The following KIAA1328 variants were observed in gnomAD, a reference collection of about 807,000 sequenced individuals.
KIAA1328 encodes the protein KIAA1328, also known as protein hinderin.
A neutral mutation model predicts 68.1 loss-of-function variants in KIAA1328; 52 were observed. That is an observed-to-expected ratio of 0.76 (90% confidence interval 0.61 to 0.96). The LOEUF (loss-of-function observed/expected upper bound fraction) is 0.96, where lower values mean the gene tolerates loss of function less well. Among genes scored for constraint, KIAA1328 ranks in the 40% least tolerant of loss-of-function variants. The pLI, the probability that KIAA1328 is intolerant of heterozygous loss-of-function variation, is 0.00. For missense variants in KIAA1328, 641 were observed against 677.6 expected (o/e 0.95, Z 0.60); for synonymous variants, 232 against 239.4 (o/e 0.97, Z 0.28).
chr18:36,926,130 G>A (rs1465820011), intron 5 of KIAA1328, among the ~76,000 whole-genome samples: 2 of 151,984 alleles, frequency 1.3e-5, no homozygotes, highest in Non-Finnish European at 2.9e-5. Flanking sequence ...TTGTTCGAAA[G>A]GGTTAAGTTT....
chr18:36,834,448 A>G, intron 2 of KIAA1328, 93 bp downstream of exon 2: 1 of 1,103,182 alleles, frequency 9.1e-7, no homozygotes, highest in Non-Finnish European at 1.3e-6. Flanking sequence ...GCGGGTATAA[A>G]TAACTGAATG....
chr18:36,853,656 AT>A (rs918243694), intron 4 of KIAA1328, among the ~76,000 whole-genome samples: 14 of 151,036 alleles, frequency 9.3e-5, no homozygotes, highest in African/African-American at 2.2e-4. Flanking sequence ...GCTTTTTTTT[AT>A]TTTTTTTATT....
intron 9 of KIAA1328, among the ~76,000 whole-genome samples, chr18:37,180,261 GTAT>G (rs768607192): frequency 5.3e-5 from 8 of 152,166 alleles, no homozygotes; most frequent in African/African-American, 1.4e-4. Flanking sequence ...GTAAGTAGTA[GTAT>G]TATCCGATTT....
At chr18:37,076,038 C>G (rs907415595) in intron 7 of KIAA1328, among the ~76,000 whole-genome samples, 6 of 151,974 alleles carry the variant, frequency 3.9e-5, no homozygotes, top group African/African-American at 1.4e-4. Flanking sequence ...ACATTTTTTT[C>G]AGCACCACAC....
At chr18:36,957,330 C>T (rs1435901058) in intron 5 of KIAA1328, among the ~76,000 whole-genome samples, 1 of 151,970 alleles carries the variant, frequency 6.6e-6, no homozygotes, top group Admixed American at 6.6e-5. Context: ...CAACAGCATA[C>T]ATAAGTAAGT....
At chr18:37,052,775 G>A (rs2055751479) in intron 6 of KIAA1328, among the ~76,000 whole-genome samples, 1 of 151,970 alleles carries the variant, frequency 6.6e-6, no homozygotes, top group African/African-American at 2.4e-5. Flanking sequence ...GAAATACCTA[G>A]GAATACAGCT....
intron 7 of KIAA1328, among the ~76,000 whole-genome samples, chr18:37,142,635 A>C (rs1295645295): frequency 2.0e-5 from 3 of 151,698 alleles, no homozygotes; most frequent in East Asian, 3.9e-4. Context: ...ACACACACAC[A>C]CCCCACACAC....
intron 5 of KIAA1328, among the ~76,000 whole-genome samples, chr18:36,936,151 T>TC (rs2050491270): frequency 6.6e-6 from 1 of 152,194 alleles, no homozygotes; most frequent in Non-Finnish European, 1.5e-5. Context: ...TTTAATTTTT[T>TC]CCCTTTATTT....
At chr18:37,213,720 C>T (rs890297821) in intron 9 of KIAA1328, among the ~76,000 whole-genome samples, 2 of 152,176 alleles carry the variant, frequency 1.3e-5, no homozygotes, top group African/African-American at 4.8e-5. Flanking sequence ...TGAGGAATCG[C>T]CACACTGTCT....
At chr18:37,198,351 A>C (rs1178632330) in intron 9 of KIAA1328, among the ~76,000 whole-genome samples, 2 of 152,248 alleles carry the variant, frequency 1.3e-5, no homozygotes, top group East Asian at 3.8e-4. Flanking sequence ...TCAACAAAAC[A>C]GTTTAAAGTT....
At chr18:36,989,983 G>A (rs867103834) in intron 6 of KIAA1328, among the ~76,000 whole-genome samples, 2 of 152,020 alleles carry the variant, frequency 1.3e-5, no homozygotes, top group Non-Finnish European at 2.9e-5. Flanking sequence ...GTGAGCCGCC[G>A]CACCCAGCCA....
chr18:36,873,437 T>C (rs893436030), intron 4 of KIAA1328, among the ~76,000 whole-genome samples: 3 of 152,134 alleles, frequency 2.0e-5, no homozygotes, highest in African/African-American at 7.2e-5. Context: ...TCCATCAGAA[T>C]GAGCAAGAGT....
intron 5 of KIAA1328, among the ~76,000 whole-genome samples, chr18:36,893,465 T>TTTGTGTGTGTG (rs1556812093): frequency 4.7e-3 from 564 of 120,642 alleles, no homozygotes; most frequent in Non-Finnish European, 6.1e-3. Context: ...GTGTGTGTTT[T>TTTGTGTGTGTG]TGTGTGTGTG....
At chr18:36,976,641 A>G (rs2052484235) in intron 6 of KIAA1328, among the ~76,000 whole-genome samples, 1 of 151,838 alleles carries the variant, frequency 6.6e-6, no homozygotes, top group African/African-American at 2.4e-5. Context: ...TTTATAGATT[A>G]TATTATATTA....
chr18:36,964,823 G>T (rs1016004853), intron 6 of KIAA1328, among the ~76,000 whole-genome samples: 2 of 151,188 alleles, frequency 1.3e-5, no homozygotes, highest in Non-Finnish European at 2.9e-5. Flanking sequence ...ACATGGTAGG[G>T]TCTAATAACC....
At chr18:36,914,783 A>G (rs1568159142) in intron 5 of KIAA1328, among the ~76,000 whole-genome samples, 3 of 152,130 alleles carry the variant, frequency 2.0e-5, no homozygotes, top group Non-Finnish European at 4.4e-5. Flanking sequence ...ACAAATATCT[A>G]TCACAAGGAA....
chr18:37,214,433 C>T (rs1302905406), intron 9 of KIAA1328, among the ~76,000 whole-genome samples: 3 of 152,148 alleles, frequency 2.0e-5, no homozygotes, highest in Non-Finnish European at 4.4e-5. Flanking sequence ...TTGTTTTTGT[C>T]AGGTTTGTCA....
chr18:36,966,211 A>G (rs1194408435), intron 6 of KIAA1328, among the ~76,000 whole-genome samples: 2 of 152,236 alleles, frequency 1.3e-5, no homozygotes, highest in Non-Finnish European at 2.9e-5. Context: ...GCATTTCCAC[A>G]TTAAGAAAGA....
Position 37,076,090 on chromosome 18 carries a change from T to A in KIAA1328, c.1232+8545T>A, listed in dbSNP as rs555946055. ...TTGACCACATAGTTGGAAGTAAAGC[T>A]CTCCTCAGCAAATGTAAAAGATCAG... is the stretch of plus-strand genomic sequence containing the variant. On this transcript the variant is annotated intron_variant, in intron 7 of 9. Transcript: ENST00000280020. Among the ~76,000 whole-genome samples, 67 of 151,458 alleles carry A rather than the reference T, an allele frequency of 4.4e-4. No homozygotes were observed. In the East Asian group the frequency reaches 0.012, roughly 28 times the overall value.
Sources: allele counts gnomAD v4.1 joint callset (sites outside exome capture counted in the v4.1 genomes callset), GRCh38; gene constraint gnomAD v4.1.1; transcripts MANE v1.5; gene names NCBI Gene and HGNC (gene_info 2026-07-23, HGNC 2026-07-21).